The following COX6C variants were observed in gnomAD, a reference collection of about 807,000 sequenced individuals.
COX6C encodes cytochrome c oxidase subunit 6C, also known as cytochrome c oxidase polypeptide VIc.
Under a neutral mutation model 6.9 loss-of-function variants are expected in COX6C, and 3 were observed. That is an observed-to-expected ratio of 0.43 (90% CI 0.20 to 1.12). COX6C has a LOEUF of 1.12. Ranked by LOEUF, COX6C falls within the 50% of genes most tolerant of loss-of-function variation. The pLI is 0.27. For missense variants in COX6C, 101 were observed against 97.3 expected, an observed-to-expected ratio of 1.04 and a Z score of -0.16; for synonymous variants, 32 against 32.0, an observed-to-expected ratio of 1.00 and a Z score of 0.00.
At chr8:99,889,278 CTCTCCCAGT>C (rs1817996483) in intron 2 of COX6C, among the ~76,000 whole-genome samples, 1 of 151,512 alleles carries the variant, frequency 6.6e-6, no homozygotes, top group African/African-American at 2.4e-5. Context: ...CTCCTCTTTG[CTCTCCCAGT>C]TCTCCCTAAC....
intron 3 of COX6C, among the ~76,000 whole-genome samples, chr8:99,882,839 C>T (rs890135397): frequency 1.3e-5 from 2 of 152,204 alleles, no homozygotes; most frequent in Non-Finnish European, 2.9e-5. Context: ...CCTCTGATGC[C>T]TAGGCTGGAG....
intron 2 of COX6C, among the ~76,000 whole-genome samples, chr8:99,890,947 C>A (rs558955635): frequency 1.3e-5 from 2 of 152,312 alleles, no homozygotes; most frequent in African/African-American, 4.8e-5. Context: ...ATTAAAAATA[C>A]AATATAAACT....
Position 99,883,719 on chromosome 8 carries a change from G to A in COX6C, c.*15+3771C>T, listed in dbSNP as rs575888268. ...ATCCTGATATCAAAGACAAACACACGAGAAAACTATAGGCCAAATCCTTTA... is the reference window on the plus strand; with the variant it reads ...ATCCTGATATCAAAGACAAACACACAAGAAAACTATAGGCCAAATCCTTTA... On this transcript the variant is annotated intron_variant, in intron 3 of 3. Coordinates refer to ENST00000520468, the MANE Select transcript of COX6C (RefSeq NM_004374.4). 1.3e-4 allele frequency among the ~76,000 whole-genome samples: 20 copies of A among 152,074 alleles called. No homozygotes were observed. The East Asian group carries it at 3.1e-3, about 24-fold the overall frequency.
chr8:99,883,774 C>A (rs1008936089), intron 3 of COX6C, among the ~76,000 whole-genome samples: 1 of 152,140 alleles, frequency 6.6e-6, no homozygotes, highest in Non-Finnish European at 1.5e-5. Flanking sequence ...CAACAAAACA[C>A]TAGCAAACCA....
chr8:99,888,889 G>A lies in COX6C; in HGVS notation c.115-1271C>T, dbSNP rs1014189182. 2.6e-5 allele frequency among the ~76,000 whole-genome samples: 4 copies of A among 152,328 alleles called. No individual in the cohort carries two copies. The South Asian group carries it at 6.2e-4, about 24-fold the overall frequency. On this transcript the variant is annotated intron_variant, in intron 2 of 3. Transcript: ENST00000520468. The stretch of plus-strand genomic sequence containing the variant: ...AGGAGAAGCTGCACCTTGTGCAGTG[G>A]GGAGGAGCCTAGTCTCTTCAGCTCC...
chr8:99,890,171 C>G (rs1194717668), intron 2 of COX6C, among the ~76,000 whole-genome samples: 1 of 152,042 alleles, frequency 6.6e-6, no homozygotes, highest in Non-Finnish European at 1.5e-5. Context: ...CCATATCGCC[C>G]AGGCTGGTCT....
chr8:99,882,995 C>G, intron 3 of COX6C, among the ~76,000 whole-genome samples: 1 of 151,960 alleles, frequency 6.6e-6, no homozygotes, highest in East Asian at 1.9e-4. Flanking sequence ...GCCATGTTGC[C>G]CAGGCTGGTT....
In COX6C at chr8:99,878,091, T is replaced by G. The variant is rs1358485427; in HGVS notation, c.*190A>C. On this transcript the variant is annotated 3_prime_UTR_variant, in exon 4 of 4. Transcript: ENST00000520468. ...AACAGTTAAATCCCAAACCAATTCT[T>G]ATGCTAGTAAGTGCCCTGCATTATC... The G allele has an allele frequency of 6.6e-6, 1 of 152,216 alleles. No homozygotes were observed. The highest frequency in any genetic ancestry group is 1.5e-5 in the Non-Finnish European group (1 of 68,034). The allele number at this position is 152,216 out of a possible 1,614,324, so 9.4% of individuals were successfully genotyped here. A position where few individuals can be genotyped will look rare whatever the true frequency, so the allele number is the denominator to read the frequency against.
intron 3 of COX6C, among the ~76,000 whole-genome samples, chr8:99,882,356 C>G (rs1563526743): frequency 6.6e-6 from 1 of 152,112 alleles, no homozygotes; most frequent in Non-Finnish European, 1.5e-5. Context: ...TTTTAAAAGA[C>G]TGGAAATCAT....
At chr8:99,882,513 CTG>C (rs1817879892) in intron 3 of COX6C, among the ~76,000 whole-genome samples, 1 of 152,072 alleles carries the variant, frequency 6.6e-6, no homozygotes, top group African/African-American at 2.4e-5. Flanking sequence ...TTTTAAAAAA[CTG>C]TATCAACCTA....
At position 99,891,994 on chromosome 8, in the gene COX6C, G is replaced by C. The variant is rs769127185; in HGVS notation, c.28C>G (p.Arg10Gly). ...CGCCTGGCCAGAAGGCCACGCATCC[G>C]AGGTTTTGGCAAAACTTCGGGAGCC... is the stretch of plus-strand genomic sequence containing the variant. The part of the protein sequence containing the change: MAPEVLPKP[R>G]MRGLLARRLR... Residue 10 changes from arginine (R) to glycine (G), a missense_variant, in exon 2 of 4, where the codon CGG becomes GGG. Arg to Gly is a moderately radical substitution (Grantham distance 125, BLOSUM62 -2). Coordinates refer to ENST00000520468, the MANE Select transcript of COX6C (RefSeq NM_004374.4). The C allele has an allele frequency of 2.5e-6, 4 of 1,613,090 alleles. No individual in the cohort carries two copies. The highest frequency in any genetic ancestry group is 1.7e-5 in the Admixed American group (1 of 59,752).
chr8:99,892,550 A>C (rs760580808), intron 1 of COX6C, among the ~76,000 whole-genome samples: 9 of 151,784 alleles, frequency 5.9e-5, no homozygotes, highest in Non-Finnish European at 1.2e-4. Context: ...TAAAAGAAAA[A>C]CTCAGAAAAG....
At chr8:99,888,145 A>G (rs1363697381) in intron 2 of COX6C, among the ~76,000 whole-genome samples, 1 of 151,826 alleles carries the variant, frequency 6.6e-6, no homozygotes, top group African/African-American at 2.4e-5. Context: ...AAAAATAAAA[A>G]AGATGGGGTC....
At chr8:99,884,931 A>C (rs1004620178) in intron 3 of COX6C, among the ~76,000 whole-genome samples, 1 of 152,254 alleles carries the variant, frequency 6.6e-6, no homozygotes, top group African/African-American at 2.4e-5. Context: ...AAAGTAATCT[A>C]CAGATTTAAT....
At chr8:99,893,257 G>A (rs564406032) in intron 1 of COX6C, 2 of 152,450 alleles carry the variant, frequency 1.3e-5, no homozygotes, top group East Asian at 1.9e-4. Context: ...AGCTGCATTA[G>A]AAACCACCAC....
At position 99,882,606 on chromosome 8, in the gene COX6C, C is replaced by G. The variant is rs992830253; in HGVS notation, c.*16-4341G>C. On this transcript the variant is annotated intron_variant, in intron 3 of 3. Transcript: ENST00000520468. ...TGACTACAATAGAGAAAAATCAAAG[C>G]CAACAGTTAGTTCTTTGAAAAGATC... Among the ~76,000 whole-genome samples, 3 of 152,004 alleles carry G rather than the reference C, an allele frequency of 2.0e-5. No homozygotes were observed. The South Asian group carries it at 6.2e-4, about 32-fold the overall frequency.
chr8:99,887,683 A>AT, intron 2 of COX6C, 65 bp from the exon 3 acceptor site: 18 of 1,095,834 alleles, frequency 1.6e-5, no homozygotes, highest in Non-Finnish European at 2.3e-5. Context: ...CCAGATTATA[A>AT]TATATAAAGA....
rs1325097739 is a variant in COX6C, at chr8:99,877,948, C to A, written c.*333G>T. On this transcript the variant is annotated 3_prime_UTR_variant, in exon 4 of 4. Transcript: ENST00000520468. ...TAGTCTTACAGGCTCATGAAGAACA[C>A]TTTTTAATCCATAGCCCAAGACCAA... is the stretch of plus-strand genomic sequence containing the variant. The A allele has an allele frequency of 6.6e-6, 1 of 152,144 alleles. No individual in the cohort carries two copies. Among genetic ancestry groups the A allele is most frequent in the Admixed American group, 6.5e-5 (1 of 15,268 alleles). 9.4% of individuals were successfully genotyped at this position (152,144 alleles called of 1,614,324 possible). A position where few individuals can be genotyped will look rare whatever the true frequency, so the allele number is the denominator to read the frequency against.
At chr8:99,893,447 G>T (rs548634616) in intron 1 of COX6C, 192 bp downstream of exon 1, 11 of 152,338 alleles carry the variant, frequency 7.2e-5, no homozygotes, top group African/African-American at 2.7e-4. Flanking sequence ...ACCCACCCCG[G>T]TCCGTGGTCC....
Sources: allele counts gnomAD v4.1 joint callset (sites outside exome capture counted in the v4.1 genomes callset), GRCh38; gene constraint gnomAD v4.1.1; transcripts MANE v1.5; gene names NCBI Gene and HGNC (gene_info 2026-07-23, HGNC 2026-07-21).